The following IQCM variants were observed in gnomAD, a reference collection of about 807,000 sequenced individuals.
The protein encoded by IQCM is IQ motif containing M, also known as IQ domain-containing protein M.
In IQCM, 45 loss-of-function variants were observed where a neutral mutation model predicts 57.6. The observed-to-expected ratio is 0.78, with a 90% CI of 0.62 to 1.00. IQCM has a LOEUF of 1.00. Ranked by LOEUF, IQCM falls within the 50% of genes least tolerant of loss-of-function variation. The pLI is 0.00. For missense variants in IQCM, 468 were observed against 511.6 expected (o/e 0.91, Z 0.82); for synonymous variants, 148 against 158.9 (o/e 0.93, Z 0.51).
chr4:149,785,415 G>A (rs1434176254), intron 2 of IQCM, among the ~76,000 whole-genome samples: 1 of 152,102 alleles, frequency 6.6e-6, no homozygotes, highest in Admixed American at 6.5e-5. Context: ...TGTAATTCAT[G>A]AATAACGGTT....
chr4:149,511,030 C>T (rs1663022389), intron 12 of IQCM, among the ~76,000 whole-genome samples: 1 of 152,184 alleles, frequency 6.6e-6, no homozygotes, highest in African/African-American at 2.4e-5. Context: ...AATACTTCCT[C>T]ATAGCTTATG....
intron 7 of IQCM, among the ~76,000 whole-genome samples, chr4:149,647,928 C>T (rs1758790772): frequency 6.6e-6 from 1 of 152,112 alleles, no homozygotes; most frequent in Non-Finnish European, 1.5e-5. Flanking sequence ...CTTACCTACT[C>T]TTTTGTATTT....
chr4:149,618,808 G>A (rs1756027494), intron 8 of IQCM, among the ~76,000 whole-genome samples: 1 of 152,070 alleles, frequency 6.6e-6, no homozygotes, highest in East Asian at 1.9e-4. Context: ...CATCACAGTG[G>A]CTATTGAAAT....
In IQCM at chr4:149,563,863, A is replaced by G. The variant is rs1560996442; in HGVS notation, c.777T>C (p.Asp259=). Residue 259 remains aspartate (D), a synonymous_variant, in exon 10 of 14, where the codon GAT becomes GAC. Transcript: ENST00000636793. ...PRIKGTPNKT[D]KLDSKVKRIG... is the part of the protein sequence containing the mutation. The stretch of plus-strand genomic sequence containing the variant: ...TTCTTTTAACTTTACTGTCAAGTTT[A>G]TCAGTTTTATTTGGAGTACCTTTTA... 1 of 1,230,876 alleles carries G rather than the reference A, an allele frequency of 8.1e-7. No homozygotes were observed. The highest frequency in any genetic ancestry group is 1.0e-6 in the Non-Finnish European group (1 of 986,954). The allele number at this position is 1,230,876 out of a possible 1,614,324, so 76.2% of individuals were successfully genotyped here.
intron 2 of IQCM, among the ~76,000 whole-genome samples, chr4:149,784,775 T>C (rs1166961569): frequency 6.6e-6 from 1 of 152,216 alleles, no homozygotes; most frequent in Non-Finnish European, 1.5e-5. Flanking sequence ...TGCTGTATTG[T>C]CTCATTAGCA....
chr4:149,522,678 A>G (rs1030843707), intron 12 of IQCM, among the ~76,000 whole-genome samples: 2 of 152,130 alleles, frequency 1.3e-5, no homozygotes, highest in Non-Finnish European at 2.9e-5. Context: ...ACATATCAAC[A>G]GATCCAAAAA....
intron 10 of IQCM, among the ~76,000 whole-genome samples, chr4:149,557,882 T>C (rs1438815728): frequency 6.6e-6 from 1 of 152,208 alleles, no homozygotes; most frequent in Non-Finnish European, 1.5e-5. Flanking sequence ...CATTTAAGCA[T>C]ACATAAATAT....
At chr4:149,550,562 T>G (rs887790704) in intron 11 of IQCM, among the ~76,000 whole-genome samples, 3 of 152,218 alleles carry the variant, frequency 2.0e-5, no homozygotes, top group African/African-American at 7.2e-5. Flanking sequence ...AACAGTGCCC[T>G]TAACCTGTAT....
intron 9 of IQCM, among the ~76,000 whole-genome samples, chr4:149,582,307 CAT>C (rs70965193): frequency 1.5e-4 from 13 of 88,108 alleles, no homozygotes; most frequent in Non-Finnish European, 2.1e-4. Flanking sequence ...ATGCTGTAGA[CAT>C]ATATATATAT....
At chr4:149,501,016 T>A (rs1184333989) in intron 12 of IQCM, among the ~76,000 whole-genome samples, 3 of 152,184 alleles carry the variant, frequency 2.0e-5, no homozygotes, top group African/African-American at 7.2e-5. Context: ...TGCTTATCCA[T>A]TTTTGGAAGA....
intron 2 of IQCM, among the ~76,000 whole-genome samples, chr4:149,812,480 T>TACA (rs1554045581): frequency 3.6e-5 from 5 of 138,810 alleles, no homozygotes; most frequent in Non-Finnish European, 6.2e-5. Flanking sequence ...TCTCTCTCTC[T>TACA]CACACACACA....
rs562555835 is a variant in IQCM, at chr4:149,797,100, CAGAT to C, written c.-49+18207_-49+18210del. ...ACCAGGGGCCAATCCTGGAGAAACA[CAGAT>C]AGGTGACCTTTCAGACAGAGCATTC... is the stretch of plus-strand genomic sequence containing the variant. On this transcript the variant is annotated intron_variant, in intron 2 of 13. Coordinates refer to ENST00000636793, the MANE Select transcript of IQCM (RefSeq NM_001363507.2). 6.6e-5 allele frequency among the ~76,000 whole-genome samples: 10 copies of C among 152,206 alleles called. No individual in the cohort carries two copies. In the South Asian group the frequency reaches 2.1e-3, roughly 32 times the overall value.
intron 7 of IQCM, among the ~76,000 whole-genome samples, chr4:149,676,294 T>C (rs952032519): frequency 3.9e-5 from 6 of 152,078 alleles, no homozygotes; most frequent in Non-Finnish European, 7.4e-5. Context: ...GAATTCACAA[T>C]GTGATAGCGA....
intron 13 of IQCM, among the ~76,000 whole-genome samples, chr4:149,362,741 A>T (rs1729579402): frequency 6.6e-6 from 1 of 152,198 alleles, no homozygotes; most frequent in South Asian, 2.1e-4. Flanking sequence ...TGTTATATTT[A>T]TATAGCAGAG....
chr4:149,599,811 GAAGTTTTA>G (rs1453713708), intron 8 of IQCM, among the ~76,000 whole-genome samples: 1 of 152,108 alleles, frequency 6.6e-6, no homozygotes, highest in Non-Finnish European at 1.5e-5. Context: ...ACTTTATTCT[GAAGTTTTA>G]AATTGTACAA....
chr4:149,470,192 A>G (rs1005004927), intron 12 of IQCM, among the ~76,000 whole-genome samples: 1 of 152,158 alleles, frequency 6.6e-6, no homozygotes, highest in African/African-American at 2.4e-5. Flanking sequence ...TTGGTTGAAG[A>G]GTCAAGACCC....
intron 13 of IQCM, among the ~76,000 whole-genome samples, chr4:149,412,565 T>C (rs1252261394): frequency 6.6e-6 from 1 of 152,144 alleles, no homozygotes; most frequent in Non-Finnish European, 1.5e-5. Context: ...TACTGAGCAC[T>C]TGTGATGTAG....
At chr4:149,377,178 T>C (rs763235195) in intron 13 of IQCM, among the ~76,000 whole-genome samples, 1 of 152,156 alleles carries the variant, frequency 6.6e-6, no homozygotes, top group Non-Finnish European at 1.5e-5. Flanking sequence ...TTTTGAAACA[T>C]TGGCCGATTT....
At chr4:149,503,238 A>G (rs896462444) in intron 12 of IQCM, among the ~76,000 whole-genome samples, 4 of 152,168 alleles carry the variant, frequency 2.6e-5, no homozygotes, top group African/African-American at 7.2e-5. Flanking sequence ...AAAATTAAAT[A>G]CAATAATATG....
Sources: gnomAD v4.1 joint callset for allele counts (sites outside exome capture counted in the v4.1 genomes callset) on GRCh38, gnomAD v4.1.1 for gene constraint, MANE v1.5 for transcripts, NCBI Gene and HGNC (gene_info 2026-07-23, HGNC 2026-07-21) for gene names.